Variants in SPIDR observed in about 807,000 individuals in gnomAD.
SPIDR encodes scaffold protein involved in DNA repair, also known as DNA repair-scaffolding protein.
In SPIDR, 93 loss-of-function variants were observed where a neutral mutation model predicts 104.6. That is an observed-to-expected ratio of 0.89 (90% CI 0.75 to 1.06). The LOEUF is 1.06. Among genes scored for constraint, SPIDR ranks in the 50% least tolerant of loss-of-function variants. The probability of loss-of-function intolerance (pLI) is 0.00; values close to 1 mark genes in which losing one functional copy is unlikely to be tolerated. For missense variants in SPIDR, 1,154 were observed against 1,111.2 expected (o/e 1.04, Z -0.55); for synonymous variants, 431 against 416.9 (o/e 1.03, Z -0.41).
chr8:47,532,585 G>GT (rs1292342816), intron 8 of SPIDR, among the ~76,000 whole-genome samples: 50 of 152,244 alleles, frequency 3.3e-4, no homozygotes, highest in African/African-American at 1.2e-3. Context: ...CCAAGATGGC[G>GT]TAACAGCCCT....
chr8:47,290,820 T>C (rs1288056087), intron 3 of SPIDR, among the ~76,000 whole-genome samples: 1 of 152,248 alleles, frequency 6.6e-6, no homozygotes, highest in African/African-American at 2.4e-5. Flanking sequence ...CAGTTCTACT[T>C]CTTTTTCTTC....
At chr8:47,625,676 A>T (rs1193653621) in intron 10 of SPIDR, among the ~76,000 whole-genome samples, 1 of 152,116 alleles carries the variant, frequency 6.6e-6, no homozygotes, top group Admixed American at 6.6e-5. Flanking sequence ...AATCCAACTT[A>T]CAAGGGACGT....
At chr8:47,447,977 G>A (rs1422438364) in intron 8 of SPIDR, among the ~76,000 whole-genome samples, 5 of 152,144 alleles carry the variant, frequency 3.3e-5, no homozygotes, top group Non-Finnish European at 5.9e-5. Context: ...ACTTTTATAT[G>A]CAATGGGAAA....
At chr8:47,321,819 A>C (rs554464010) in intron 5 of SPIDR, among the ~76,000 whole-genome samples, 3 of 152,340 alleles carry the variant, frequency 2.0e-5, no homozygotes, top group Non-Finnish European at 4.4e-5. Context: ...ATCTTTGACA[A>C]ACCTGACAAA....
chr8:47,312,227 A>G (rs1345632155), intron 5 of SPIDR, among the ~76,000 whole-genome samples: 1 of 152,182 alleles, frequency 6.6e-6, no homozygotes, highest in African/African-American at 2.4e-5. Flanking sequence ...TCCTTTGGGT[A>G]TATACCCAGT....
intron 19 of SPIDR, among the ~76,000 whole-genome samples, chr8:47,730,172 G>C (rs1242376215): frequency 6.6e-6 from 1 of 151,824 alleles, no homozygotes; most frequent in Non-Finnish European, 1.5e-5. Flanking sequence ...TAATGTGACT[G>C]TCCTGCCCTG....
At chr8:47,436,390 CT>C (rs2068328452) in intron 7 of SPIDR, among the ~76,000 whole-genome samples, 1 of 152,186 alleles carries the variant, frequency 6.6e-6, no homozygotes, top group African/African-American at 2.4e-5. Flanking sequence ...AAACATTGTC[CT>C]TTGTTTGTAA....
chr8:47,503,373 C>G (rs1160267548), intron 8 of SPIDR, among the ~76,000 whole-genome samples: 5 of 152,080 alleles, frequency 3.3e-5, no homozygotes, highest in African/African-American at 1.2e-4. Context: ...GTTGAATGAT[C>G]CCTTTACCAT....
intron 10 of SPIDR, among the ~76,000 whole-genome samples, chr8:47,646,243 A>G (rs553349266): frequency 1.3e-5 from 2 of 152,342 alleles, no homozygotes; most frequent in Admixed American, 1.3e-4. Flanking sequence ...TTTTGCAGAA[A>G]TCTAAAATTT....
Position 47,440,226 on chromosome 8 carries a change from A to G in SPIDR, c.878-97A>G, listed in dbSNP as rs892211862. 2.0e-4 allele frequency: 207 copies of G among 1,032,316 alleles called. No homozygotes were observed. In the African/African-American group the frequency reaches 2.9e-3, roughly 15 times the overall value. 63.9% of individuals were successfully genotyped at this position (1,032,316 alleles called of 1,614,324 possible). On this transcript the variant is annotated intron_variant, in intron 7 of 19. Transcript: ENST00000297423. ...CCATTTTCTCCAGGTGAAGAGTGCT[A>G]TCTGCATGTGGATCTTTTTTTCATG... is the stretch of plus-strand genomic sequence containing the variant.
chr8:47,430,009 C>T (rs1348085232), intron 7 of SPIDR, among the ~76,000 whole-genome samples: 4 of 151,982 alleles, frequency 2.6e-5, no homozygotes, highest in African/African-American at 7.3e-5. Flanking sequence ...TTTCCCCTGC[C>T]TTGTCTGTTA....
intron 10 of SPIDR, among the ~76,000 whole-genome samples, chr8:47,625,209 A>G (rs1016328375): frequency 2.0e-5 from 3 of 152,252 alleles, no homozygotes; most frequent in Non-Finnish European, 2.9e-5. Context: ...AAAACTCTCA[A>G]TAAATTAGGT....
intron 5 of SPIDR, among the ~76,000 whole-genome samples, chr8:47,309,078 G>T (rs1324423021): frequency 6.6e-6 from 1 of 152,198 alleles, no homozygotes; most frequent in African/African-American, 2.4e-5. Context: ...AGAATCCTCT[G>T]ATTGCGTATA....
At chr8:47,499,619 T>A (rs1242550643) in intron 8 of SPIDR, among the ~76,000 whole-genome samples, 2 of 151,868 alleles carry the variant, frequency 1.3e-5, no homozygotes, top group African/African-American at 4.8e-5. Flanking sequence ...CTGTGGAAAA[T>A]TTTTCCAGGA....
At chr8:47,442,296 G>C (rs1563984691) in intron 8 of SPIDR, among the ~76,000 whole-genome samples, 1 of 151,972 alleles carries the variant, frequency 6.6e-6, no homozygotes, top group African/African-American at 2.4e-5. Context: ...TAATCTTCCA[G>C]GATTTTTAAA....
chr8:47,450,371 CAT>C (rs782677319), intron 8 of SPIDR, among the ~76,000 whole-genome samples: 13 of 152,084 alleles, frequency 8.5e-5, no homozygotes, highest in Non-Finnish European at 1.9e-4. Context: ...ATGGTAATGA[CAT>C]AAATCCATTC....
intron 8 of SPIDR, among the ~76,000 whole-genome samples, chr8:47,550,083 T>C (rs1288283205): frequency 1.3e-5 from 2 of 152,168 alleles, no homozygotes; most frequent in Non-Finnish European, 2.9e-5. Flanking sequence ...TGTAGATGTG[T>C]GGTATTATTT....
intron 5 of SPIDR, chr8:47,360,954 G>A (rs1441030107): frequency 1.0e-6 from 1 of 984,904 alleles, no homozygotes; most frequent in Non-Finnish European, 1.2e-6. Context: ...TGTATGGTGA[G>A]CATTCACATA....
Position 47,512,014 on chromosome 8 carries a change from TC to T in SPIDR, c.1097+71474del, listed in dbSNP as rs1412512229. 6.6e-6 allele frequency: 5 copies of T among 755,006 alleles called. No individual in the cohort carries two copies. The Admixed American group carries it at 7.4e-5, about 11-fold the overall frequency. 46.8% of individuals were successfully genotyped at this position (755,006 alleles called of 1,614,324 possible). ...GGTTATGATGTCTTCTTCCCCTCTGTCCTCATAAAAGCTCGCTAGCGCAATC... is the reference window on the plus strand; with the variant it reads ...GGTTATGATGTCTTCTTCCCCTCTGTCTCATAAAAGCTCGCTAGCGCAATC... On this transcript the variant is annotated intron_variant, in intron 8 of 19. Transcript: ENST00000297423.
Sources: allele counts gnomAD v4.1 joint callset (sites outside exome capture counted in the v4.1 genomes callset), GRCh38; gene constraint gnomAD v4.1.1; transcripts MANE v1.5; gene names NCBI Gene and HGNC (gene_info 2026-07-23, HGNC 2026-07-21).